AKAP6: variants seen among roughly 807,000 people sequenced by gnomAD.
AKAP6 encodes the protein A-kinase anchoring protein 6, also known as A-kinase anchor protein 6.
Under a neutral mutation model 188.5 loss-of-function variants are expected in AKAP6, and 58 were observed. The observed-to-expected ratio is 0.31, with a 90% confidence interval of 0.25 to 0.38. The LOEUF (loss-of-function observed/expected upper bound fraction) is 0.38, where lower values mean the gene tolerates loss of function less well. Ranked by LOEUF, AKAP6 falls within the 10% of genes least tolerant of loss-of-function variation. AKAP6 has a pLI of 1.00. For synonymous variants in AKAP6, 989 were observed against 998.6 expected (o/e 0.99, Z 0.18); for missense variants, 2,710 against 2,740.0 (o/e 0.99, Z 0.24).
At chr14:32,658,442 G>T (rs908736542) in intron 7 of AKAP6, among the ~76,000 whole-genome samples, 3 of 152,044 alleles carry the variant, frequency 2.0e-5, no homozygotes, top group Non-Finnish European at 4.4e-5. Context: ...CAACCTTGGA[G>T]AAAAATAACA....
At chr14:32,654,710 A>G (rs1049211215) in intron 7 of AKAP6, among the ~76,000 whole-genome samples, 3 of 151,310 alleles carry the variant, frequency 2.0e-5, no homozygotes, top group Non-Finnish European at 1.5e-5. Flanking sequence ...TTAGCTGGGC[A>G]TGGTGGCACA....
chr14:32,622,767 T>A (rs1204356464), intron 7 of AKAP6, among the ~76,000 whole-genome samples: 1 of 152,022 alleles, frequency 6.6e-6, no homozygotes, highest in East Asian at 1.9e-4. Flanking sequence ...TGGGCTACAG[T>A]GAGGAGCTTT....
intron 7 of AKAP6, among the ~76,000 whole-genome samples, chr14:32,628,831 T>A (rs1887136163): frequency 6.6e-6 from 1 of 152,132 alleles, no homozygotes; most frequent in Non-Finnish European, 1.5e-5. Context: ...GCTGTTTCTA[T>A]TAAGGTAGCA....
At chr14:32,460,924 T>G (rs1471240053) in intron 2 of AKAP6, among the ~76,000 whole-genome samples, 1 of 152,206 alleles carries the variant, frequency 6.6e-6, no homozygotes, top group Non-Finnish European at 1.5e-5. Flanking sequence ...GTAGGCAGTT[T>G]TCCCCTGACA....
chr14:32,503,746 C>T (rs1880721344), intron 2 of AKAP6, among the ~76,000 whole-genome samples: 1 of 151,942 alleles, frequency 6.6e-6, no homozygotes, highest in Non-Finnish European at 1.5e-5. Context: ...TGTCTGCATT[C>T]TTGTCTCAAT....
chr14:32,823,945 T>A lies in AKAP6; in HGVS notation c.6132T>A (p.Asp2044Glu). The A allele has an allele frequency of 1.2e-6, 2 of 1,613,990 alleles. No homozygotes were observed. Among genetic ancestry groups the A allele is most frequent in the Non-Finnish European group, 1.7e-6 (2 of 1,179,946 alleles). Reference protein sequence around the residue: ...SNISCCNCEPDVFHQKDAEDC... With the variant: ...SNISCCNCEPEVFHQKDAEDC... ...TTTCCTGTTGCAACTGTGAGCCAGATGTTTTCCATCAAAAAGATGCCGAAG... is the reference window on the plus strand; with the variant it reads ...TTTCCTGTTGCAACTGTGAGCCAGAAGTTTTCCATCAAAAAGATGCCGAAG... The change falls in exon 13 of 14, where the codon GAT becomes GAA. Residue 2044 changes from aspartate (D) to glutamate (E), a missense_variant. Asp to Glu is a conservative substitution (Grantham distance 45). This residue lies in a region of AKAP6 where 2,473 missense variants were observed against 2,426.1 expected (regional missense o/e 1.02). Transcript: ENST00000280979.
intron 8 of AKAP6, among the ~76,000 whole-genome samples, chr14:32,680,543 T>A (rs1428770300): frequency 6.6e-6 from 1 of 152,176 alleles, no homozygotes; most frequent in Non-Finnish European, 1.5e-5. Context: ...GGATCTTCAT[T>A]CCACATGCAT....
chr14:32,595,343 G>A (rs1885650601), intron 5 of AKAP6, among the ~76,000 whole-genome samples: 1 of 152,054 alleles, frequency 6.6e-6, no homozygotes, highest in Non-Finnish European at 1.5e-5. Context: ...TGAGCTGCTT[G>A]TGGCTCCCTG....
intron 12 of AKAP6, among the ~76,000 whole-genome samples, chr14:32,819,823 C>A (rs1404405476): frequency 6.6e-6 from 1 of 151,952 alleles, no homozygotes; most frequent in African/African-American, 2.4e-5. Flanking sequence ...TGGCACGCAC[C>A]TGTAGTCCCA....
intron 5 of AKAP6, among the ~76,000 whole-genome samples, chr14:32,586,107 C>G (rs1885233241): frequency 6.6e-6 from 1 of 152,090 alleles, no homozygotes; most frequent in South Asian, 2.1e-4. Flanking sequence ...GAGAATAACT[C>G]TGTGCATGAA....
chr14:32,632,786 A>T (rs1347939765), intron 7 of AKAP6, among the ~76,000 whole-genome samples: 2 of 152,144 alleles, frequency 1.3e-5, no homozygotes, highest in Non-Finnish European at 2.9e-5. Flanking sequence ...TATATGTTTT[A>T]AAAAATTCCA....
intron 7 of AKAP6, among the ~76,000 whole-genome samples, chr14:32,641,670 C>T (rs999638786): frequency 6.6e-6 from 1 of 151,868 alleles, no homozygotes; most frequent in Non-Finnish European, 1.5e-5. Context: ...CATGTGGTCC[C>T]TAAATTTTAC....
chr14:32,832,279 C>T lies in AKAP6; in HGVS notation c.*2474C>T, dbSNP rs961205238. 7.9e-5 allele frequency: 12 copies of T among 152,050 alleles called. No individual in the cohort carries two copies. The highest frequency in any genetic ancestry group is 2.7e-4 in the African/African-American group (11 of 41,462). The allele number at this position is 152,050 out of a possible 1,614,324, so 9.4% of individuals were successfully genotyped here. A position where few individuals can be genotyped will look rare whatever the true frequency, so the allele number is the denominator to read the frequency against. ...CTAGAGTCTTTGAAATTTCTAAGGGCATTCTAGACCTCTGTTGGGATATGG... is the reference window on the plus strand; with the variant it reads ...CTAGAGTCTTTGAAATTTCTAAGGGTATTCTAGACCTCTGTTGGGATATGG... On this transcript the variant is annotated 3_prime_UTR_variant, in exon 14 of 14. Coordinates refer to ENST00000280979, the MANE Select transcript of AKAP6 (RefSeq NM_004274.5).
intron 12 of AKAP6, among the ~76,000 whole-genome samples, chr14:32,814,885 T>G (rs541025095): frequency 6.6e-6 from 1 of 152,254 alleles, no homozygotes; most frequent in East Asian, 1.9e-4. Flanking sequence ...TGTGCCACCA[T>G]GCCTGGGCAA....
intron 7 of AKAP6, among the ~76,000 whole-genome samples, chr14:32,638,104 A>G (rs1010660088): frequency 6.6e-6 from 1 of 152,112 alleles, no homozygotes; most frequent in African/African-American, 2.4e-5. Flanking sequence ...TGTCTTGTGC[A>G]TATTATGGTG....
intron 11 of AKAP6, among the ~76,000 whole-genome samples, chr14:32,763,770 A>G (rs982381794): frequency 2.0e-5 from 3 of 152,182 alleles, no homozygotes; most frequent in Non-Finnish European, 4.4e-5. Context: ...ATTAAGTTCC[A>G]GGGTTTGCAA....
chr14:32,754,397 C>G (rs1397177108), intron 11 of AKAP6, among the ~76,000 whole-genome samples: 1 of 152,064 alleles, frequency 6.6e-6, no homozygotes, highest in African/African-American at 2.4e-5. Context: ...TTAACTTCTC[C>G]TCCTCCCCCA....
intron 1 of AKAP6, among the ~76,000 whole-genome samples, chr14:32,353,724 A>G (rs186822964): frequency 1.1e-4 from 16 of 152,314 alleles, no homozygotes; most frequent in Admixed American, 1.0e-3. Context: ...ATCTCAGCCC[A>G]AAATCTCCTT....
At position 32,612,064 on chromosome 14, in the gene AKAP6, G is replaced by A. The variant is rs544080075; in HGVS notation, c.2730+11272G>A. Among the ~76,000 whole-genome samples, 10 of 152,208 alleles carry A rather than the reference G, an allele frequency of 6.6e-5. No individual in the cohort carries two copies. The East Asian group carries it at 1.9e-3, about 29-fold the overall frequency. On this transcript the variant is annotated intron_variant, in intron 7 of 13. Transcript: ENST00000280979. ...GAGGAGGGACTAGAGAACAGAGTAG[G>A]AGTCAAATCCTATCCTCTCAAAAGA...
Sources: allele counts gnomAD v4.1 joint callset (sites outside exome capture counted in the v4.1 genomes callset), GRCh38; gene constraint gnomAD v4.1.1; regional missense constraint gnomAD v4.1.1; transcripts MANE v1.5; gene names NCBI Gene and HGNC (gene_info 2026-07-23, HGNC 2026-07-21).